TRIM55: variants seen among roughly 807,000 people sequenced by gnomAD.
The protein encoded by TRIM55 is tripartite motif-containing protein 55.
In TRIM55, 50 loss-of-function variants were observed where a neutral mutation model predicts 60.9. The observed-to-expected ratio is 0.82, with a 90% CI of 0.65 to 1.04. TRIM55 has a LOEUF of 1.04. Ranked by LOEUF, TRIM55 falls within the 50% of genes least tolerant of loss-of-function variation. TRIM55 has a pLI of 0.00. For synonymous variants in TRIM55, 237 were observed against 238.1 expected, an observed-to-expected ratio of 1.00 and a Z score of 0.04; for missense variants, 681 against 666.9, an observed-to-expected ratio of 1.02 and a Z score of -0.23.
intron 4 of TRIM55, among the ~76,000 whole-genome samples, chr8:66,145,614 C>T (rs1030391563): frequency 1.3e-5 from 2 of 151,906 alleles, no homozygotes; most frequent in Non-Finnish European, 2.9e-5. Flanking sequence ...ATTTAAGATG[C>T]CTTGCCTTTA....
At chr8:66,161,345 G>C (rs751518761) in intron 9 of TRIM55, among the ~76,000 whole-genome samples, 3 of 152,014 alleles carry the variant, frequency 2.0e-5, no homozygotes, top group Admixed American at 6.6e-5. Context: ...TAAGTATTTG[G>C]CTTTATTTCC....
intron 9 of TRIM55, among the ~76,000 whole-genome samples, chr8:66,168,804 A>G (rs1223864977): frequency 1.3e-5 from 2 of 152,208 alleles, no homozygotes; most frequent in African/African-American, 4.8e-5. Flanking sequence ...TATCTCCTCA[A>G]TGGCCTGGCA....
chr8:66,152,492 A>G lies in TRIM55; in HGVS notation c.1101A>G (p.Pro367=), dbSNP rs1458425079. 6.2e-7 allele frequency: 1 copy of G among 1,614,112 alleles called. No homozygotes were observed. The highest frequency in any genetic ancestry group is 8.5e-7 in the Non-Finnish European group (1 of 1,180,046). The stretch of plus-strand genomic sequence containing the variant: ...TAGAAAATGTTCAAACAGAGTTTCC[A>G]GGAGAAGATGAAAACCCAGAAAAAG... ...EEVENVQTEF[P]GEDENPEKAS... Residue 367 remains proline (P), a synonymous_variant, in exon 8 of 10, where the codon CCA becomes CCG. Transcript: ENST00000315962.
At chr8:66,139,241 G>A (rs1452985098) in intron 4 of TRIM55, among the ~76,000 whole-genome samples, 2 of 152,200 alleles carry the variant, frequency 1.3e-5, no homozygotes, top group Non-Finnish European at 2.9e-5. Context: ...TTGCTTGTGG[G>A]TGAGCGAGGT....
At position 66,155,642 on chromosome 8, in the gene TRIM55, C is replaced by A. The variant is rs1012813041; in HGVS notation, c.1524+1308C>A. On this transcript the variant is annotated intron_variant, in intron 9 of 9. Coordinates refer to ENST00000315962, the MANE Select transcript of TRIM55 (RefSeq NM_184085.2). ...TCACAGGAGTTAGTAATCTGCCTAG[C>A]GCTTTTGGCTTTTCTTATTCTTCAC... The A allele has an allele frequency of 3.1e-6, 5 of 1,611,890 alleles. No homozygotes were observed. In the Middle Eastern group the frequency reaches 5.0e-4, roughly 160 times the overall value.
At chr8:66,173,132 C>T (rs186131589) in intron 9 of TRIM55, among the ~76,000 whole-genome samples, 81 of 152,222 alleles carry the variant, frequency 5.3e-4, no homozygotes, top group African/African-American at 1.8e-3. Flanking sequence ...AATCTAGTAA[C>T]GTTCTTTTTC....
At chr8:66,129,402 T>C (rs1330664227) in intron 2 of TRIM55, among the ~76,000 whole-genome samples, 1 of 152,198 alleles carries the variant, frequency 6.6e-6, no homozygotes, top group Non-Finnish European at 1.5e-5. Flanking sequence ...GGACACGTAT[T>C]TATGGAACAT....
intron 9 of TRIM55, among the ~76,000 whole-genome samples, chr8:66,174,100 C>G (rs1189231940): frequency 6.6e-6 from 1 of 151,740 alleles, no homozygotes; most frequent in Non-Finnish European, 1.5e-5. Flanking sequence ...AATTCTGCAA[C>G]CCTTTCTAAA....
At chr8:66,117,495 A>G in the TRIM55 span, among the ~76,000 whole-genome samples, 1 of 152,224 alleles carries the variant, frequency 6.6e-6, no homozygotes, top group Admixed American at 6.5e-5. Flanking sequence ...TATATGGCTC[A>G]TATTTGTCAC....
At chr8:66,132,739 GT>G (rs1225604723) in intron 2 of TRIM55, among the ~76,000 whole-genome samples, 7 of 152,180 alleles carry the variant, frequency 4.6e-5, no homozygotes, top group African/African-American at 1.7e-4. Context: ...CATGTTTGAA[GT>G]TGTACAGAGG....
At chr8:66,146,195 T>TAAAAAAAA (rs762974374) in intron 4 of TRIM55, among the ~76,000 whole-genome samples, 1 of 152,176 alleles carries the variant, frequency 6.6e-6, no homozygotes, top group Non-Finnish European at 1.5e-5. Context: ...ATAATTTTAA[T>TAAAAAAAA]AAAGCATAGA....
rs188046303 is a variant in TRIM55 at position 66,154,014 on chromosome 8, T to C, written c.1237-33T>C. ...TTCTTCTTCTTCTTCTTTTTTTTTTTCTTTACTTTTGAATTTATCTGTCCT... is the reference window on the plus strand; with the variant it reads ...TTCTTCTTCTTCTTCTTTTTTTTTTCCTTTACTTTTGAATTTATCTGTCCT... On this transcript the variant is annotated intron_variant, in intron 8 of 9. Transcript: ENST00000315962. The C allele has an allele frequency of 1.2e-4, 179 of 1,548,896 alleles. No individual in the cohort carries two copies. In the African/African-American group the frequency reaches 2.2e-3, roughly 19 times the overall value.
rs1287419119 is a variant in TRIM55, at chr8:66,174,472, T to C, written c.1526T>C (p.Ile509Thr). 1 of 1,610,996 alleles carries C rather than the reference T, an allele frequency of 6.2e-7. No individual in the cohort carries two copies. Among genetic ancestry groups the C allele is most frequent in the South Asian group, 1.1e-5 (1 of 90,648 alleles). ...GATTCCCATTTTCTTCCATTGCAGA[T>C]TGGATTTGAGGCTCCTCCCCTCCAG... is the stretch of plus-strand genomic sequence containing the variant. Reference protein sequence around the residue: ...ETSAPAATSQIGFEAPPLQGQ... With the variant: ...ETSAPAATSQTGFEAPPLQGQ... Residue 509 changes from isoleucine to threonine, a missense_variant and splice_region_variant, in exon 10 of 10, where the codon ATT (isoleucine) becomes ACT (threonine). Ile to Thr is a moderately conservative substitution (Grantham distance 89). Coordinates refer to ENST00000315962, the MANE Select transcript of TRIM55 (RefSeq NM_184085.2).
At chr8:66,171,385 G>C (rs1308660477) in intron 9 of TRIM55, among the ~76,000 whole-genome samples, 1 of 152,054 alleles carries the variant, frequency 6.6e-6, no homozygotes, top group Non-Finnish European at 1.5e-5. Flanking sequence ...AAGGATAATG[G>C]CCTCCCGCTA....
At chr8:66,157,169 T>C (rs1012479295) in intron 9 of TRIM55, among the ~76,000 whole-genome samples, 12 of 152,190 alleles carry the variant, frequency 7.9e-5, no homozygotes, top group Non-Finnish European at 1.2e-4. Context: ...ACTGAGCCCA[T>C]GTCATGTATG....
chr8:66,155,766 G>T lies in TRIM55; in HGVS notation c.1524+1432G>T. On this transcript the variant is annotated intron_variant, in intron 9 of 9. Transcript: ENST00000315962. ...CATCTCACATAGTTTCTTCCATAAT[G>T]TTCCTCTTCTATAGGCCCAGAGATT... 2.4e-6 allele frequency: 3 copies of T among 1,243,168 alleles called. No homozygotes were observed. In the South Asian group the frequency reaches 3.9e-5, roughly 16 times the overall value. The allele number at this position is 1,243,168 out of a possible 1,614,324, so 77.0% of individuals were successfully genotyped here.
At chr8:66,136,307 A>G (rs1809477234) in intron 3 of TRIM55, among the ~76,000 whole-genome samples, 1 of 152,088 alleles carries the variant, frequency 6.6e-6, no homozygotes. Flanking sequence ...AAGCAGCTTC[A>G]CCTCCATATT....
intron 9 of TRIM55, among the ~76,000 whole-genome samples, chr8:66,165,846 G>A (rs986992058): frequency 2.0e-5 from 3 of 152,180 alleles, no homozygotes; most frequent in Non-Finnish European, 4.4e-5. Flanking sequence ...AAAATTGTAG[G>A]AGAGGGTAAC....
chr8:66,122,489 G>T (rs967679254), upstream of TRIM55, among the ~76,000 whole-genome samples: 3 of 152,046 alleles, frequency 2.0e-5, no homozygotes, highest in African/African-American at 7.2e-5. Context: ...ATCACCTTGG[G>T]CACACGTCGT....
Sources: gnomAD v4.1 joint callset for allele counts (sites outside exome capture counted in the v4.1 genomes callset) on GRCh38, gnomAD v4.1.1 for gene constraint, MANE v1.5 for transcripts, NCBI Gene and HGNC (gene_info 2026-07-23, HGNC 2026-07-21) for gene names.